Variants in TAFA5 observed in about 807,000 individuals in gnomAD.
TAFA5 encodes TAFA chemokine like family member 5.
A neutral mutation model predicts 15.3 loss-of-function variants in TAFA5; 6 were observed. The observed-to-expected ratio is 0.39, with a 90% CI of 0.21 to 0.77. The LOEUF is 0.77. Ranked by LOEUF, TAFA5 falls within the 30% of genes least tolerant of loss-of-function variation. The probability of loss-of-function intolerance (pLI) is 0.41; values close to 1 mark genes in which losing one functional copy is unlikely to be tolerated. For synonymous variants in TAFA5, 103 were observed against 80.7 expected (o/e 1.28, Z -1.48); for missense variants, 161 against 193.1 (o/e 0.83, Z 0.98).
intron 2 of TAFA5, among the ~76,000 whole-genome samples, chr22:48,673,923 G>A (rs576440625): frequency 3.0e-4 from 46 of 152,060 alleles, no homozygotes; most frequent in Non-Finnish European, 6.2e-4. Flanking sequence ...GGGGTGGGAG[G>A]GCTGGCCCCG....
At chr22:48,602,330 A>G (rs1312408427) in intron 1 of TAFA5, among the ~76,000 whole-genome samples, 3 of 152,188 alleles carry the variant, frequency 2.0e-5, no homozygotes, top group Admixed American at 1.3e-4. Context: ...GGTCCTGGAC[A>G]TGGGGGCCTG....
intron 1 of TAFA5, among the ~76,000 whole-genome samples, chr22:48,634,456 CTCACTCAT>C (rs1490426690): frequency 2.0e-5 from 3 of 150,940 alleles, no homozygotes; most frequent in Admixed American, 1.3e-4. Context: ...CATTTAGTCA[CTCACTCAT>C]TCACTCAATC....
intron 1 of TAFA5, among the ~76,000 whole-genome samples, chr22:48,620,615 C>CCCACCCACCATCCCCCATCCTAT (rs1569050866): frequency 5.1e-5 from 7 of 137,776 alleles, no homozygotes; most frequent in Non-Finnish European, 8.2e-5. Flanking sequence ...ATCCTATCCA[C>CCCACCCACCATCCCCCATCCTAT]CCACCCACCA....
chr22:48,534,964 T>G (rs1446698774), intron 1 of TAFA5, among the ~76,000 whole-genome samples: 1 of 152,100 alleles, frequency 6.6e-6, no homozygotes, highest in Non-Finnish European at 1.5e-5. Context: ...CCTCTCCTTT[T>G]CTTCCTAGTT....
intron 2 of TAFA5, among the ~76,000 whole-genome samples, chr22:48,698,069 A>ATGGTGG (rs56045024): frequency 0.096 from 14,329 of 149,952 alleles, 867 homozygotes; most frequent in Admixed American, 0.19. Flanking sequence ...TGTCATAATG[A>ATGGTGG]TGGTGATGGT....
chr22:48,716,372 C>T (rs1357741619), intron 3 of TAFA5, among the ~76,000 whole-genome samples: 2 of 152,200 alleles, frequency 1.3e-5, no homozygotes, highest in Non-Finnish European at 2.9e-5. Flanking sequence ...TTTGCAGGGA[C>T]ATGGATGAAG....
At chr22:48,559,168 G>C (rs1030342437) in intron 1 of TAFA5, among the ~76,000 whole-genome samples, 1 of 152,160 alleles carries the variant, frequency 6.6e-6, no homozygotes, top group Non-Finnish European at 1.5e-5. Context: ...TGTTGAGGCC[G>C]CCCGGGGCCA....
intron 1 of TAFA5, among the ~76,000 whole-genome samples, chr22:48,584,253 C>T (rs368953213): frequency 7.1e-6 from 1 of 140,816 alleles, no homozygotes; most frequent in South Asian, 2.3e-4. Flanking sequence ...CACACACTTA[C>T]AAAATACATC....
At chr22:48,721,376 C>T (rs1217616532) in intron 3 of TAFA5, among the ~76,000 whole-genome samples, 1 of 152,176 alleles carries the variant, frequency 6.6e-6, no homozygotes, top group Admixed American at 6.5e-5. Flanking sequence ...AGCACTGCCT[C>T]CGTGCTGCTG....
intron 2 of TAFA5, chr22:48,693,301 C>T: frequency 1.2e-6 from 2 of 1,606,114 alleles, no homozygotes; most frequent in East Asian, 2.2e-5. Flanking sequence ...AGAAATTTGC[C>T]CTAAGAGAGT....
chr22:48,663,514 CTGGTGGCAGGAAACTA>C (rs1927516001), intron 2 of TAFA5, among the ~76,000 whole-genome samples: 1 of 152,208 alleles, frequency 6.6e-6, no homozygotes, highest in Non-Finnish European at 1.5e-5. Context: ...CTATCACCAC[CTGGTGGCAGGAAACTA>C]AAATTGCAGG....
chr22:48,620,579 C>T (rs2147181082), intron 1 of TAFA5, among the ~76,000 whole-genome samples: 1 of 54,104 alleles, frequency 1.8e-5, no homozygotes, highest in South Asian at 6.7e-4. Flanking sequence ...ATCCATGTAT[C>T]CATCCGTCCA....
intron 2 of TAFA5, among the ~76,000 whole-genome samples, chr22:48,647,105 G>A (rs1026166735): frequency 6.6e-6 from 1 of 152,172 alleles, no homozygotes; most frequent in African/African-American, 2.4e-5. Flanking sequence ...CCTGGGTGCC[G>A]TTCCATCGTC....
At chr22:48,583,311 C>T (rs1189914580) in intron 1 of TAFA5, among the ~76,000 whole-genome samples, 1 of 141,998 alleles carries the variant, frequency 7.0e-6, no homozygotes, top group South Asian at 2.3e-4. Context: ...ACACACACAC[C>T]ACACACTATA....
chr22:48,681,093 T>C (rs1425952882), intron 2 of TAFA5, among the ~76,000 whole-genome samples: 2 of 152,250 alleles, frequency 1.3e-5, no homozygotes, highest in Non-Finnish European at 2.9e-5. Flanking sequence ...TAGTGGATCC[T>C]GGAAGACATC....
intron 2 of TAFA5, among the ~76,000 whole-genome samples, chr22:48,658,797 C>A (rs947843230): frequency 2.0e-5 from 3 of 152,212 alleles, no homozygotes; most frequent in African/African-American, 7.2e-5. Context: ...AGAGAAAGGA[C>A]CAGGCCTGTG....
At chr22:48,682,647 A>G (rs938248512) in intron 2 of TAFA5, among the ~76,000 whole-genome samples, 1 of 152,166 alleles carries the variant, frequency 6.6e-6, no homozygotes, top group Non-Finnish European at 1.5e-5. Context: ...CAGCATTTGC[A>G]TATTACCCAG....
chr22:48,549,744 A>C (rs1318097059), intron 1 of TAFA5, among the ~76,000 whole-genome samples: 1 of 152,074 alleles, frequency 6.6e-6, no homozygotes, highest in East Asian at 1.9e-4. Context: ...TTCCACACCA[A>C]CTGCTGTGTG....
At chr22:48,669,052 C>T (rs1927717559) in intron 2 of TAFA5, among the ~76,000 whole-genome samples, 1 of 152,186 alleles carries the variant, frequency 6.6e-6, no homozygotes. Flanking sequence ...GATTAATGTC[C>T]TTAGAAGAGA....
Sources: allele counts gnomAD v4.1 joint callset (sites outside exome capture counted in the v4.1 genomes callset), GRCh38; gene constraint gnomAD v4.1.1; transcripts MANE v1.5; gene names NCBI Gene and HGNC (gene_info 2026-07-23, HGNC 2026-07-21).